The following ENPP2 variants were observed in gnomAD, a reference collection of about 807,000 sequenced individuals.
The protein encoded by ENPP2 is autotaxin.
A neutral mutation model predicts 120.2 loss-of-function variants in ENPP2; 51 were observed. The observed-to-expected ratio is 0.42, with a 90% CI of 0.34 to 0.54. The LOEUF is 0.54. Among genes scored for constraint, ENPP2 ranks in the 20% least tolerant of loss-of-function variants. The pLI is 0.04. For synonymous variants in ENPP2, 365 were observed against 366.4 expected (o/e 1.00, Z 0.04); for missense variants, 920 against 1,066.5 (o/e 0.86, Z 1.91).
intron 1 of ENPP2, among the ~76,000 whole-genome samples, chr8:119,668,025 C>A (rs996073807): frequency 6.6e-6 from 1 of 152,102 alleles, no homozygotes; most frequent in Non-Finnish European, 1.5e-5. Flanking sequence ...GCCTTTGGGT[C>A]TCAATTTAGA....
At chr8:119,672,290 C>A (rs961797083) in intron 1 of ENPP2, among the ~76,000 whole-genome samples, 2 of 152,212 alleles carry the variant, frequency 1.3e-5, no homozygotes, top group Non-Finnish European at 2.9e-5. Context: ...AAAACCTGTG[C>A]TCCGTGGAAC....
At chr8:119,589,839 G>A (rs1294361313) in intron 13 of ENPP2, among the ~76,000 whole-genome samples, 7 of 152,078 alleles carry the variant, frequency 4.6e-5, no homozygotes, top group Non-Finnish European at 1.0e-4. Context: ...TCAAAAGCTA[G>A]GTAGACAGCA....
In ENPP2 at chr8:119,650,594, A is replaced by G. The variant is rs61709224; in HGVS notation, c.22-12067T>C. On this transcript the variant is annotated intron_variant, in intron 1 of 25. Coordinates refer to the ENPP2 transcript ENST00000427067. ...ACATTAACCCTGATTTTCAGTTCTC[A>G]GGTTCATGCATTCAACGTTGTCCCC... 3.5e-3 allele frequency among the ~76,000 whole-genome samples: 540 copies of G among 152,304 alleles called. 3 individuals are homozygous for G. The highest frequency in any genetic ancestry group is 0.013 in the African/African-American group (521 of 41,570).
intron 1 of ENPP2, among the ~76,000 whole-genome samples, chr8:119,663,844 G>A (rs569950959): frequency 7.2e-5 from 11 of 152,262 alleles, no homozygotes; most frequent in African/African-American, 1.7e-4. Context: ...AAATGTAGGC[G>A]TCCCTCATGC....
At chr8:119,570,161 C>T (rs180905639) in intron 20 of ENPP2, among the ~76,000 whole-genome samples, 25 of 151,328 alleles carry the variant, frequency 1.7e-4, no homozygotes, top group African/African-American at 4.6e-4. Flanking sequence ...TCCAGCTACT[C>T]GGGAGGCTGA....
At chr8:119,625,954 A>G (rs6982863) in intron 3 of ENPP2, among the ~76,000 whole-genome samples, 45,926 of 152,130 alleles carry the variant, frequency 0.3, 7,293 homozygotes, top group East Asian at 0.45. Context: ...ACAATTTTCC[A>G]TTTGCAGACG....
intron 11 of ENPP2, among the ~76,000 whole-genome samples, chr8:119,594,634 A>G (rs1813759794): frequency 6.6e-6 from 1 of 152,218 alleles, no homozygotes; most frequent in Admixed American, 6.5e-5. Context: ...GAAGTTTCTA[A>G]CAGCATGAAT....
At chr8:119,615,465 G>A (rs747190158) in intron 8 of ENPP2, among the ~76,000 whole-genome samples, 10 of 152,246 alleles carry the variant, frequency 6.6e-5, no homozygotes, top group Admixed American at 4.6e-4. Flanking sequence ...AGCAAGTTGC[G>A]TAACCATACA....
chr8:119,663,081 C>T (rs1225618649), intron 1 of ENPP2, among the ~76,000 whole-genome samples: 1 of 148,234 alleles, frequency 6.7e-6, no homozygotes, highest in Non-Finnish European at 1.5e-5. Context: ...CACGCCGCTG[C>T]ACTCCAGCCT....
intron 4 of ENPP2, among the ~76,000 whole-genome samples, chr8:119,619,711 TAA>T (rs561905279): frequency 1.4e-4 from 16 of 110,468 alleles, no homozygotes; most frequent in Non-Finnish European, 1.5e-4. Flanking sequence ...CTTTAGATGC[TAA>T]AAAAAAAAAA....
At chr8:119,581,558 C>T (rs1360660216) in intron 18 of ENPP2, among the ~76,000 whole-genome samples, 1 of 152,082 alleles carries the variant, frequency 6.6e-6, no homozygotes, top group Non-Finnish European at 1.5e-5. Flanking sequence ...CGGCCAAATA[C>T]AATAGTTCCT....
intron 1 of ENPP2, among the ~76,000 whole-genome samples, chr8:119,667,692 C>T (rs1342582845): frequency 6.6e-6 from 1 of 152,192 alleles, no homozygotes; most frequent in East Asian, 1.9e-4. Flanking sequence ...CACAGTGCCT[C>T]CTAAGTGGTC....
intron 9 of ENPP2, among the ~76,000 whole-genome samples, chr8:119,605,512 G>A (rs920128463): frequency 1.3e-5 from 2 of 150,616 alleles, no homozygotes; most frequent in Non-Finnish European, 1.5e-5. Context: ...CCAGGTTGGA[G>A]TGCAATGGCA....
chr8:119,623,295 C>T (rs925005916), intron 3 of ENPP2, among the ~76,000 whole-genome samples: 5 of 152,000 alleles, frequency 3.3e-5, no homozygotes, highest in Non-Finnish European at 7.4e-5. Flanking sequence ...GAAACCCCGT[C>T]TCTACTAAAG....
intron 24 of ENPP2, among the ~76,000 whole-genome samples, chr8:119,559,351 C>A (rs1813730994): frequency 2.0e-5 from 3 of 152,120 alleles, no homozygotes; most frequent in Admixed American, 6.6e-5. Flanking sequence ...TTTGTAAATG[C>A]AGTCATTTTG....
At chr8:119,636,092 C>A (rs116339640) in intron 2 of ENPP2, among the ~76,000 whole-genome samples, 1 of 152,166 alleles carries the variant, frequency 6.6e-6, no homozygotes, top group East Asian at 1.9e-4. Flanking sequence ...ATTTCTTTGG[C>A]GCCTAAAAAT....
intron 3 of ENPP2, among the ~76,000 whole-genome samples, chr8:119,625,858 C>A (rs1049923104): frequency 6.6e-6 from 1 of 152,080 alleles, no homozygotes; most frequent in African/African-American, 2.4e-5. Context: ...TGTTCCAGCA[C>A]AAAAGAAATG....
intron 1 of ENPP2, among the ~76,000 whole-genome samples, chr8:119,658,601 G>A (rs1001119876): frequency 6.6e-6 from 1 of 152,104 alleles, no homozygotes; most frequent in Non-Finnish European, 1.5e-5. Context: ...TCTGCTTTCA[G>A]AGGATCCTCA....
At position 119,619,262 on chromosome 8, in the gene ENPP2, G is replaced by A; in HGVS notation, c.461C>T (p.Ala154Val). 2 of 1,612,208 alleles carry A rather than the reference G, an allele frequency of 1.2e-6. No individual in the cohort carries two copies. The highest frequency in any genetic ancestry group is 1.7e-6 in the Non-Finnish European group (2 of 1,178,432). Residue 154 changes from alanine (A) to valine (V), a missense_variant, in exon 5 of 25, where the codon GCC becomes GTC. Coordinates refer to ENST00000075322, the MANE Select transcript of ENPP2 (RefSeq NM_001040092.3). ...CACTTACCCTGCAGGGCATTCTGCG[G>A]CCTTTATTTCCTCACAGTCATCATC... Reference protein sequence around the residue: ...WVDDDCEEIKAAECPAGFVRP... With the variant: ...WVDDDCEEIKVAECPAGFVRP...
Sources: gnomAD v4.1 joint callset for allele counts (sites outside exome capture counted in the v4.1 genomes callset) on GRCh38, gnomAD v4.1.1 for gene constraint, MANE v1.5 for transcripts, NCBI Gene and HGNC (gene_info 2026-07-23, HGNC 2026-07-21) for gene names.